The following TCF12 variants were observed in gnomAD, a reference collection of about 807,000 sequenced individuals.
TCF12 encodes the protein transcription factor 12.
Under a neutral mutation model 86.0 loss-of-function variants are expected in TCF12, and 45 were observed. The ratio of observed to expected loss-of-function variants is 0.52; its 90% CI spans 0.41 to 0.67. The LOEUF is 0.67. TCF12 is among the 30% of genes least tolerant of loss of function. The probability of loss-of-function intolerance (pLI) is 0.00; values close to 1 mark genes in which losing one functional copy is unlikely to be tolerated. For synonymous variants in TCF12, 330 were observed against 299.6 expected (o/e 1.10, Z -1.05); for missense variants, 881 against 859.9 (o/e 1.02, Z -0.31).
In TCF12 at chr15:57,273,021, A is replaced by C; in HGVS notation, c.1746-9A>C. The C allele has an allele frequency of 8.7e-6, 14 of 1,612,834 alleles. No homozygotes were observed. Among genetic ancestry groups the C allele is most frequent in the Non-Finnish European group, 1.2e-5 (14 of 1,179,202 alleles). ...ACCTAATAGACCTTGTTGTTACTTT[A>C]TTTTCTAGCAGTACTAATGAAGATG... On this transcript the variant is annotated splice_polypyrimidine_tract_variant and intron_variant, in intron 18 of 20. Coordinates refer to ENST00000333725, the MANE Select transcript of TCF12 (RefSeq NM_207037.2).
intron 5 of TCF12, among the ~76,000 whole-genome samples, chr15:57,144,779 T>C (rs2151425123): frequency 6.6e-6 from 1 of 152,216 alleles, no homozygotes; most frequent in Admixed American, 6.5e-5. Flanking sequence ...TTTTGAATTT[T>C]TTTGTAGAGA....
At chr15:57,153,222 A>G (rs2053888313) in intron 5 of TCF12, among the ~76,000 whole-genome samples, 1 of 152,226 alleles carries the variant, frequency 6.6e-6, no homozygotes, top group African/African-American at 2.4e-5. Context: ...CCAGACAGAA[A>G]CTTGGATCTG....
intron 4 of TCF12, among the ~76,000 whole-genome samples, chr15:57,087,493 C>A (rs1054981299): frequency 6.6e-6 from 1 of 151,498 alleles, no homozygotes; most frequent in East Asian, 1.9e-4. Flanking sequence ...TTGATCACTT[C>A]AGGTCTGTTG....
chr15:56,988,335 A>G (rs1340353330), intron 3 of TCF12, among the ~76,000 whole-genome samples: 1 of 152,172 alleles, frequency 6.6e-6, no homozygotes, highest in Non-Finnish European at 1.5e-5. Flanking sequence ...CCTAGGCTAC[A>G]AACCTGTACA....
chr15:57,188,787 A>G (rs1376170033), intron 6 of TCF12, among the ~76,000 whole-genome samples: 5 of 149,944 alleles, frequency 3.3e-5, no homozygotes, highest in Admixed American at 1.3e-4. Context: ...TACAGAAATT[A>G]TAATAATTAT....
intron 16 of TCF12, among the ~76,000 whole-genome samples, chr15:57,258,107 C>T (rs552205888): frequency 6.6e-6 from 1 of 152,236 alleles, no homozygotes; most frequent in African/African-American, 2.4e-5. Flanking sequence ...CAAGACCAGC[C>T]TGGGCAACAT....
intron 8 of TCF12, among the ~76,000 whole-genome samples, chr15:57,208,900 GA>G (rs1417839080): frequency 7.9e-5 from 12 of 151,844 alleles, no homozygotes; most frequent in African/African-American, 2.9e-4. Flanking sequence ...ATTTTTTGTA[GA>G]AAAGAGGTTT....
At position 57,075,836 on chromosome 15, in the gene TCF12, T is replaced by TCTCTCTCTC. The variant is rs1567371379; in HGVS notation, c.222+12013_222+12014insCTCTCTCTC. ...TCTCTCTCTCTCTCTCTCTCTCTCT[T>TCTCTCTCTC]TTCTTTCTTTCTTTCTTTCTTTCTT... On this transcript the variant is annotated intron_variant, in intron 4 of 20. Transcript: ENST00000333725. Among the ~76,000 whole-genome samples the TCTCTCTCTC allele has an allele frequency of 7.2e-4, 16 of 22,342 alleles. 2 individuals carry two copies. The highest frequency in any genetic ancestry group is 1.7e-3 in the Non-Finnish European group (16 of 9,678). 14.7% of individuals were successfully genotyped at this position (22,342 alleles called of 152,430 possible). A position where few individuals can be genotyped will look rare whatever the true frequency, so the allele number is the denominator to read the frequency against.
chr15:57,179,756 G>A (rs1205527809), intron 6 of TCF12, among the ~76,000 whole-genome samples: 1 of 152,120 alleles, frequency 6.6e-6, no homozygotes, highest in East Asian at 1.9e-4. Flanking sequence ...AGGATTAGAA[G>A]CATCTCAGGT....
At chr15:57,040,565 G>A (rs17819779) in intron 3 of TCF12, among the ~76,000 whole-genome samples, 6,122 of 152,228 alleles carry the variant, frequency 0.04, 368 homozygotes, top group Admixed American at 0.17. Flanking sequence ...ACCTTCAAAC[G>A]AAGAGACAGC....
chr15:57,010,822 G>T (rs1208891882), intron 3 of TCF12, among the ~76,000 whole-genome samples: 1 of 152,060 alleles, frequency 6.6e-6, no homozygotes, highest in Non-Finnish European at 1.5e-5. Flanking sequence ...CTTTCAGGAG[G>T]GTAAGTCCTC....
In TCF12 at chr15:57,070,082, G is replaced by A. The variant is rs138515140; in HGVS notation, c.222+6259G>A. ...TAATAACTTCCTCACTAAAGTTTGG[G>A]GCTTATACCTGTCAGTGGAAAGGGG... On this transcript the variant is annotated intron_variant, in intron 4 of 20. Coordinates refer to ENST00000333725, the MANE Select transcript of TCF12 (RefSeq NM_207037.2). 6.2e-3 allele frequency among the ~76,000 whole-genome samples: 941 copies of A among 152,184 alleles called. 4 individuals are homozygous for A. The highest frequency in any genetic ancestry group is 9.3e-3 in the Non-Finnish European group (631 of 67,992).
At chr15:56,920,850 A>C (rs962723336) in intron 2 of TCF12, among the ~76,000 whole-genome samples, 176 bp from the exon 3 acceptor site, 9 of 152,194 alleles carry the variant, frequency 5.9e-5, no homozygotes, top group Non-Finnish European at 1.2e-4. Context: ...ATTTCCAATT[A>C]ATTAGGAAAT....
chr15:57,136,246 G>C (rs2052511397), intron 5 of TCF12, among the ~76,000 whole-genome samples: 1 of 152,122 alleles, frequency 6.6e-6, no homozygotes, highest in South Asian at 2.1e-4. Flanking sequence ...AGTTTATTTT[G>C]AGTACCTAGG....
chr15:56,996,893 C>G (rs1224256182), intron 3 of TCF12, among the ~76,000 whole-genome samples: 1 of 152,168 alleles, frequency 6.6e-6, no homozygotes, highest in African/African-American at 2.4e-5. Flanking sequence ...CACTAATCGT[C>G]AGAGAAATTC....
Position 57,262,074 on chromosome 15 carries a change from TGGG to T in TCF12, c.1468-19_1468-17del. ...AACTATCTTAATCTTTTTTTATTTT[TGGG>T]TTTTCCTTAACTTTAGGTTGGAACT... is the stretch of plus-strand genomic sequence containing the variant. On this transcript the variant is annotated splice_polypyrimidine_tract_variant and intron_variant, in intron 16 of 20. Transcript: ENST00000333725. 6.6e-7 allele frequency: 1 copy of T among 1,522,460 alleles called. No homozygotes were observed. The highest frequency in any genetic ancestry group is 1.8e-5 in the Admixed American group (1 of 54,912). The allele number at this position is 1,522,460 out of a possible 1,614,324, so 94.3% of individuals were successfully genotyped here.
At chr15:57,045,344 T>C (rs1247608729) in intron 3 of TCF12, among the ~76,000 whole-genome samples, 1 of 152,166 alleles carries the variant, frequency 6.6e-6, no homozygotes, top group Non-Finnish European at 1.5e-5. Context: ...TTCTTTTTTA[T>C]TGTCTAGGTT....
chr15:56,923,198 G>A (rs2059866971), intron 3 of TCF12, among the ~76,000 whole-genome samples: 1 of 151,948 alleles, frequency 6.6e-6, no homozygotes, highest in Non-Finnish European at 1.5e-5. Flanking sequence ...CCTTTTTGAG[G>A]AAGACTCAAT....
At chr15:57,157,667 A>G (rs2054208418) in intron 5 of TCF12, among the ~76,000 whole-genome samples, 1 of 150,796 alleles carries the variant, frequency 6.6e-6, no homozygotes, top group Non-Finnish European at 1.5e-5. Context: ...GGTTCAAGAG[A>G]GTCTCCTGCC....
Sources: gnomAD v4.1 joint callset for allele counts (sites outside exome capture counted in the v4.1 genomes callset) on GRCh38, gnomAD v4.1.1 for gene constraint, MANE v1.5 for transcripts, NCBI Gene and HGNC (gene_info 2026-07-23, HGNC 2026-07-21) for gene names.